The following CERS3 variants were observed in gnomAD, a reference collection of about 807,000 sequenced individuals.
The protein encoded by CERS3 is ceramide synthase 3.
In CERS3, 33 loss-of-function variants were observed where a neutral mutation model predicts 50.3. The observed-to-expected ratio is 0.66, with a 90% CI of 0.50 to 0.88. The LOEUF (loss-of-function observed/expected upper bound fraction) is 0.88. CERS3 is among the 40% of genes least tolerant of loss of function. The pLI, the probability that CERS3 is intolerant of heterozygous loss-of-function variation, is 0.00. For synonymous variants in CERS3, 176 were observed against 155.2 expected (o/e 1.13, Z -0.99); for missense variants, 470 against 460.3 (o/e 1.02, Z -0.19).
intron 3 of CERS3, among the ~76,000 whole-genome samples, chr15:100,497,306 ATGTGTGTGTG>A (rs139734142): frequency 2.1e-5 from 3 of 145,864 alleles, no homozygotes; most frequent in Non-Finnish European, 3.0e-5. Context: ...GCATATATGT[ATGTGTGTGTG>A]TGTGTGTGTG....
chr15:100,405,960 A>G (rs2030993461), intron 11 of CERS3, among the ~76,000 whole-genome samples: 1 of 152,258 alleles, frequency 6.6e-6, no homozygotes, highest in Non-Finnish European at 1.5e-5. Flanking sequence ...ACTTGTAATT[A>G]GAATGTTTTC....
Position 100,471,199 on chromosome 15 carries a change from G to A in CERS3, c.739-1715C>T, listed in dbSNP as rs189909178. ...CTGTTCTTAAAGTTTGCCCATGAGG[G>A]AACCTCTAAGATTGGACAGTTCATT... On this transcript the variant is annotated intron_variant, in intron 9 of 11. Transcript: ENST00000679737. Among the ~76,000 whole-genome samples the A allele has an allele frequency of 6.2e-3, 942 of 152,184 alleles. 6 individuals are homozygous for A. The highest frequency in any genetic ancestry group is 9.1e-3 in the Admixed American group (139 of 15,270).
intron 7 of CERS3, among the ~76,000 whole-genome samples, chr15:100,477,474 A>C (rs1198500212): frequency 6.6e-6 from 1 of 152,110 alleles, no homozygotes; most frequent in African/African-American, 2.4e-5. Context: ...AAGGACAAGA[A>C]AGAATGTCTG....
At chr15:100,441,032 G>T (rs1047654701) in intron 11 of CERS3, among the ~76,000 whole-genome samples, 1 of 152,140 alleles carries the variant, frequency 6.6e-6, no homozygotes, top group South Asian at 2.1e-4. Flanking sequence ...GACCACGCAG[G>T]GATGCCTGCC....
At chr15:100,483,531 T>A (rs949582735) in intron 5 of CERS3, among the ~76,000 whole-genome samples, 4 of 152,116 alleles carry the variant, frequency 2.6e-5, no homozygotes, top group Non-Finnish European at 5.9e-5. Flanking sequence ...CATGGCCAGA[T>A]GCCCAAATAT....
chr15:100,414,377 C>T (rs540818711), intron 11 of CERS3, among the ~76,000 whole-genome samples: 2 of 152,100 alleles, frequency 1.3e-5, no homozygotes, highest in Admixed American at 6.5e-5. Context: ...AGATTCAATG[C>T]TATTCCCATT....
At chr15:100,485,465 T>C (rs920301314) in intron 4 of CERS3, among the ~76,000 whole-genome samples, 9 of 152,184 alleles carry the variant, frequency 5.9e-5, no homozygotes, top group African/African-American at 2.2e-4. Context: ...CACAGTGGGA[T>C]TTTAACATAG....
At chr15:100,482,947 C>A (rs2035359028) in intron 5 of CERS3, among the ~76,000 whole-genome samples, 1 of 152,172 alleles carries the variant, frequency 6.6e-6, no homozygotes. Context: ...TCCATAATAA[C>A]TTTTAACTTA....
rs2030524135 is a variant in CERS3, at chr15:100,401,452, C to G, written c.*1261G>C. 1 of 152,322 alleles carries G rather than the reference C, an allele frequency of 6.6e-6. No homozygotes were observed. The highest frequency in any genetic ancestry group is 1.5e-5 in the Non-Finnish European group (1 of 68,108). 9.4% of individuals were successfully genotyped at this position (152,322 alleles called of 1,614,324 possible). On this transcript the variant is annotated 3_prime_UTR_variant, in exon 12 of 12. Coordinates refer to ENST00000679737, the MANE Select transcript of CERS3 (RefSeq NM_001378789.1). Reference sequence around the variant, plus strand: ...CTCCCTTCCGGAGGGTGAGGACAAGCTGGCTACTGATCTGCCCGTCCCTAT... The same window carrying G: ...CTCCCTTCCGGAGGGTGAGGACAAGGTGGCTACTGATCTGCCCGTCCCTAT...
intron 2 of CERS3, among the ~76,000 whole-genome samples, chr15:100,513,312 C>T (rs925028058): frequency 1.3e-5 from 2 of 152,160 alleles, no homozygotes; most frequent in Admixed American, 6.5e-5. Flanking sequence ...GTGTCAGAGG[C>T]TTTTTCTCCA....
intron 10 of CERS3, among the ~76,000 whole-genome samples, chr15:100,462,635 T>C (rs2034587756): frequency 6.6e-6 from 1 of 152,230 alleles, no homozygotes; most frequent in African/African-American, 2.4e-5. Flanking sequence ...GTGTTTCAAA[T>C]ATCCTGTTTC....
intron 10 of CERS3, among the ~76,000 whole-genome samples, chr15:100,468,533 G>A (rs1567640826): frequency 6.6e-6 from 1 of 152,154 alleles, no homozygotes; most frequent in Non-Finnish European, 1.5e-5. Context: ...TAAGAATGAG[G>A]CCTGGAACTT....
chr15:100,454,683 A>G (rs2034300147), intron 11 of CERS3, among the ~76,000 whole-genome samples: 1 of 152,212 alleles, frequency 6.6e-6, no homozygotes, highest in Non-Finnish European at 1.5e-5. Context: ...TAAGACCTCA[A>G]AAGCCAGGCA....
At chr15:100,446,754 C>G (rs2033959155) in intron 11 of CERS3, among the ~76,000 whole-genome samples, 1 of 152,138 alleles carries the variant, frequency 6.6e-6, no homozygotes, top group East Asian at 1.9e-4. Context: ...CCCCCAACTG[C>G]CTGATGGACC....
At chr15:100,497,143 T>A (rs1282129720) in intron 3 of CERS3, among the ~76,000 whole-genome samples, 1 of 151,714 alleles carries the variant, frequency 6.6e-6, no homozygotes, top group Non-Finnish European at 1.5e-5. Context: ...AAATAAAGGA[T>A]CACCAAATAC....
At chr15:100,457,992 C>T (rs182068285) in intron 10 of CERS3, among the ~76,000 whole-genome samples, 37 of 145,162 alleles carry the variant, frequency 2.5e-4, no homozygotes, top group Non-Finnish European at 4.7e-4. Flanking sequence ...TATTTCTAAA[C>T]GTGAGATTAC....
chr15:100,456,116 A>T (rs1425367282), intron 10 of CERS3, 70 bp from the exon 11 acceptor site: 1 of 1,250,132 alleles, frequency 8.0e-7, no homozygotes, highest in Non-Finnish European at 1.1e-6. Context: ...TAATAAAACA[A>T]ATAGTTTTTC....
intron 11 of CERS3, among the ~76,000 whole-genome samples, chr15:100,438,585 G>A (rs2033537017): frequency 6.7e-6 from 1 of 148,468 alleles, no homozygotes; most frequent in Non-Finnish European, 1.5e-5. Flanking sequence ...TCTTGGCTTT[G>A]CCATGAAATT....
intron 2 of CERS3, 146 bp from the exon 3 acceptor site, chr15:100,501,996 C>T: frequency 1.3e-6 from 1 of 747,412 alleles, no homozygotes; most frequent in Non-Finnish European, 2.1e-6. Context: ...CCTGCAATAT[C>T]AGCACTTTGG....
Sources: gnomAD v4.1 joint callset for allele counts (sites outside exome capture counted in the v4.1 genomes callset) on GRCh38, gnomAD v4.1.1 for gene constraint, MANE v1.5 for transcripts, NCBI Gene and HGNC (gene_info 2026-07-23, HGNC 2026-07-21) for gene names.